The following OSBPL10 variants were observed in gnomAD, a reference collection of about 807,000 sequenced individuals.
The protein encoded by OSBPL10 is oxysterol-binding protein-related protein 10.
In OSBPL10, 49 loss-of-function variants were observed where a neutral mutation model predicts 81.7. The ratio of observed to expected loss-of-function variants is 0.60; its 90% confidence interval spans 0.48 to 0.76. The LOEUF (loss-of-function observed/expected upper bound fraction) is 0.76, where lower values mean the gene tolerates loss of function less well. OSBPL10 is among the 30% of genes least tolerant of loss of function. OSBPL10 has a pLI of 0.00. For missense variants in OSBPL10, 923 were observed against 987.8 expected, an observed-to-expected ratio of 0.93 and a Z score of 0.88; for synonymous variants, 419 against 383.6, an observed-to-expected ratio of 1.09 and a Z score of -1.08.
At chr3:31,836,438 A>G (rs1019611091) in intron 3 of OSBPL10, among the ~76,000 whole-genome samples, 3 of 152,176 alleles carry the variant, frequency 2.0e-5, no homozygotes, top group Admixed American at 2.0e-4. Context: ...GCAAATGCAT[A>G]TATTTCATTT....
chr3:31,879,592 CAA>C (rs1701567300), intron 2 of OSBPL10, 61 bp downstream of exon 2: 1 of 1,506,754 alleles, frequency 6.6e-7, no homozygotes, highest in Admixed American at 2.2e-5. Context: ...AATCAAAAAA[CAA>C]GAGAGCCATC....
chr3:31,829,659 G>A (rs1474861575), intron 4 of OSBPL10, among the ~76,000 whole-genome samples: 3 of 152,054 alleles, frequency 2.0e-5, no homozygotes, highest in Non-Finnish European at 4.4e-5. Flanking sequence ...CAGAAAACAG[G>A]GGGTATCTGC....
chr3:31,735,209 C>G (rs143178128), intron 5 of OSBPL10, among the ~76,000 whole-genome samples: 1 of 152,198 alleles, frequency 6.6e-6, no homozygotes, highest in African/African-American at 2.4e-5. Flanking sequence ...CCGGCTGAGG[C>G]GGGTGAATCA....
chr3:31,812,865 T>A (rs1699745620), intron 4 of OSBPL10, among the ~76,000 whole-genome samples: 3 of 149,868 alleles, frequency 2.0e-5, no homozygotes, highest in African/African-American at 7.3e-5. Context: ...TCCAATAACA[T>A]GTGAGAAGGA....
chr3:32,049,884 G>A (rs544637970), intron 1 of OSBPL10, among the ~76,000 whole-genome samples: 66 of 152,206 alleles, frequency 4.3e-4, no homozygotes, highest in African/African-American at 1.3e-3. Context: ...TGGCCTCCCC[G>A]AGCTCCTTGC....
chr3:31,708,250 A>G (rs1696135322), intron 6 of OSBPL10, among the ~76,000 whole-genome samples: 1 of 152,190 alleles, frequency 6.6e-6, no homozygotes, highest in Non-Finnish European at 1.5e-5. Context: ...CAGTTCTAAC[A>G]ATAATAGTGT....
At chr3:31,765,567 G>A (rs1698171346) in intron 4 of OSBPL10, among the ~76,000 whole-genome samples, 1 of 152,124 alleles carries the variant, frequency 6.6e-6, no homozygotes, top group Non-Finnish European at 1.5e-5. Flanking sequence ...CTGGGAAGGG[G>A]CTGTTCTCCT....
At chr3:31,947,123 A>G (rs1697725585) in intron 1 of OSBPL10, among the ~76,000 whole-genome samples, 1 of 152,200 alleles carries the variant, frequency 6.6e-6, no homozygotes, top group Non-Finnish European at 1.5e-5. Context: ...ATGATTCACT[A>G]AATTTCAGGC....
intron 4 of OSBPL10, among the ~76,000 whole-genome samples, chr3:31,768,083 G>A (rs1698257055): frequency 1.3e-5 from 2 of 152,170 alleles, no homozygotes; most frequent in South Asian, 4.1e-4. Context: ...AAGGGGTGGG[G>A]AATTCCCAGA....
intron 3 of OSBPL10, among the ~76,000 whole-genome samples, chr3:31,870,297 G>A (rs912499417): frequency 6.6e-6 from 1 of 152,114 alleles, no homozygotes; most frequent in African/African-American, 2.4e-5. Flanking sequence ...GGGTCCCCCA[G>A]CAGTCCCGGC....
intron 4 of OSBPL10, among the ~76,000 whole-genome samples, chr3:31,774,169 A>G (rs1207400387): frequency 6.6e-6 from 1 of 151,464 alleles, no homozygotes; most frequent in East Asian, 1.9e-4. Flanking sequence ...TCTCAAAAAA[A>G]AAAAAAAAAA....
rs1434138314 is a variant in OSBPL10 at position 31,965,665 on chromosome 3, TA to T, written c.281+15233del. Reference sequence around the variant, plus strand: ...TATAAATTATATATTATATATTATATATTTTATATAATATATATTATATAAA... The same window carrying T: ...TATAAATTATATATTATATATTATATTTTTATATAATATATATTATATAAA... On this transcript the variant is annotated intron_variant, in intron 1 of 11. Transcript: ENST00000396556. Among the ~76,000 whole-genome samples the T allele has an allele frequency of 5.9e-4, 36 of 61,496 alleles. 1 individual carries two copies. The highest frequency in any genetic ancestry group is 8.4e-4 in the Non-Finnish European group (31 of 36,864). 40.3% of individuals were successfully genotyped at this position (61,496 alleles called of 152,430 possible).
At chr3:31,808,376 C>G (rs1373216008) in intron 4 of OSBPL10, among the ~76,000 whole-genome samples, 1 of 152,178 alleles carries the variant, frequency 6.6e-6, no homozygotes, top group Admixed American at 6.5e-5. Flanking sequence ...AGACTGAGGT[C>G]CCCAAATGTA....
chr3:31,858,195 T>G (rs181809936), intron 3 of OSBPL10, among the ~76,000 whole-genome samples: 39 of 152,024 alleles, frequency 2.6e-4, no homozygotes, highest in African/African-American at 9.4e-4. Flanking sequence ...AAGACAGGGT[T>G]TCCCTATGTT....
At chr3:31,664,300 C>A in intron 10 of OSBPL10, 68 bp from the exon 11 acceptor site, 1 of 1,549,402 alleles carries the variant, frequency 6.5e-7, no homozygotes, top group East Asian at 2.3e-5. Context: ...GGAACTCTGC[C>A]AGGAGCAGCC....
intron 1 of OSBPL10, among the ~76,000 whole-genome samples, chr3:31,910,182 T>A (rs914032398): frequency 1.3e-5 from 2 of 149,076 alleles, no homozygotes; most frequent in African/African-American, 2.5e-5. Context: ...GGTTTCACCA[T>A]GTTGGCCAGG....
At chr3:31,707,192 G>C (rs935378474) in intron 6 of OSBPL10, 3 of 152,340 alleles carry the variant, frequency 2.0e-5, no homozygotes, top group Admixed American at 6.5e-5. Flanking sequence ...CTTTGGACAG[G>C]GAGCTTTTCT....
intron 2 of OSBPL10, among the ~76,000 whole-genome samples, chr3:32,039,751 C>T (rs1039792746): frequency 6.6e-6 from 1 of 152,056 alleles, no homozygotes; most frequent in Non-Finnish European, 1.5e-5. Context: ...ATTCAAAATA[C>T]TCATGTTTGT....
Position 31,684,070 on chromosome 3 carries a change from C to T in OSBPL10, c.1290G>A (p.Glu430=). 1 of 1,614,212 alleles carries T rather than the reference C, an allele frequency of 6.2e-7. No individual in the cohort carries two copies. Among genetic ancestry groups the T allele is most frequent in the Non-Finnish European group, 8.5e-7 (1 of 1,180,022 alleles). Reference sequence around the variant, plus strand: ...GGTGCGCCATGAAATCTGCATACATCTCCAGCAAAGATCGCTTCTCCAGGA... The same window carrying T: ...GGTGCGCCATGAAATCTGCATACATTTCCAGCAAAGATCGCTTCTCCAGGA... The part of the protein sequence containing the change: ...TFILEKRSLL[E]MYADFMAHPD... Residue 430 remains glutamate, a synonymous_variant, in exon 8 of 12, where the codon GAG becomes GAA. Coordinates refer to ENST00000396556, the MANE Select transcript of OSBPL10 (RefSeq NM_017784.5).
Sources: gnomAD v4.1 joint callset for allele counts (sites outside exome capture counted in the v4.1 genomes callset) on GRCh38, gnomAD v4.1.1 for gene constraint, MANE v1.5 for transcripts, NCBI Gene and HGNC (gene_info 2026-07-23, HGNC 2026-07-21) for gene names.